Variants in LRP1B observed in about 807,000 individuals in gnomAD.
LRP1B encodes low-density lipoprotein receptor-related protein 1B.
In LRP1B, 217 loss-of-function variants were observed where a neutral mutation model predicts 556.6. The observed-to-expected ratio is 0.39, with a 90% CI of 0.35 to 0.44. The LOEUF is 0.44. Ranked by LOEUF, LRP1B falls within the 20% of genes least tolerant of loss-of-function variation. The pLI is 1.00. For synonymous variants in LRP1B, 2,047 were observed against 1,865.8 expected (o/e 1.10, Z -2.50); for missense variants, 5,053 against 5,620.8 (o/e 0.90, Z 3.23).
At chr2:142,084,299 G>A (rs1705830571) in intron 1 of LRP1B, among the ~76,000 whole-genome samples, 1 of 151,988 alleles carries the variant, frequency 6.6e-6, no homozygotes, top group Non-Finnish European at 1.5e-5. Context: ...TCTTTTTCAT[G>A]ATTCACGCTG....
chr2:141,840,069 C>T (rs1697414149), intron 1 of LRP1B, among the ~76,000 whole-genome samples: 1 of 151,838 alleles, frequency 6.6e-6, no homozygotes, highest in African/African-American at 2.4e-5. Flanking sequence ...GTAGAGTTGG[C>T]CAAAGATTTT....
At chr2:141,893,961 C>T (rs888248286) in intron 1 of LRP1B, among the ~76,000 whole-genome samples, 2 of 151,642 alleles carry the variant, frequency 1.3e-5, no homozygotes, top group African/African-American at 4.8e-5. Context: ...TTCTCTCTCA[C>T]TCTTTTTCTT....
rs190686072 is a variant in LRP1B at position 141,524,713 on chromosome 2, A to G, written c.206-44180T>C. On this transcript the variant is annotated intron_variant, in intron 2 of 90. Transcript: ENST00000389484. ...ACCATTAAATTACTTTCTATGCTAT[A>G]ATTTCACTATGCAGAGACTTGAAAT... Among the ~76,000 whole-genome samples the G allele has an allele frequency of 6.6e-4, 100 of 152,106 alleles. 1 individual carries two copies. In the South Asian group the frequency reaches 0.014, roughly 21 times the overall value.
At chr2:140,610,010 G>A (rs554360) in intron 41 of LRP1B, among the ~76,000 whole-genome samples, 44,153 of 150,704 alleles carry the variant, frequency 0.29, 6,596 homozygotes, top group African/African-American at 0.32. Context: ...GCCACAGGGT[G>A]TTCTTTTCAG....
At chr2:140,642,211 G>T (rs1390584085) in intron 41 of LRP1B, among the ~76,000 whole-genome samples, 1 of 152,202 alleles carries the variant, frequency 6.6e-6, no homozygotes, top group African/African-American at 2.4e-5. Context: ...TGAAGACAGA[G>T]TTCACATCTG....
intron 41 of LRP1B, among the ~76,000 whole-genome samples, chr2:140,641,029 G>A (rs927893072): frequency 6.6e-6 from 1 of 152,158 alleles, no homozygotes; most frequent in East Asian, 1.9e-4. Context: ...CACCAAGGCT[G>A]TTTTAATATT....
chr2:141,637,364 T>G (rs1037968420), intron 2 of LRP1B, among the ~76,000 whole-genome samples: 1 of 152,192 alleles, frequency 6.6e-6, no homozygotes, highest in East Asian at 1.9e-4. Context: ...ATATTGCAAT[T>G]AAAATTAACT....
intron 1 of LRP1B, among the ~76,000 whole-genome samples, chr2:141,878,406 C>A (rs1211853576): frequency 2.0e-5 from 3 of 151,324 alleles, no homozygotes; most frequent in African/African-American, 7.3e-5. Flanking sequence ...TGCACACACA[C>A]AAACTCAAGA....
chr2:141,914,044 C>T (rs1328677039), intron 1 of LRP1B, among the ~76,000 whole-genome samples: 1 of 152,160 alleles, frequency 6.6e-6, no homozygotes, highest in East Asian at 1.9e-4. Flanking sequence ...CTGTGCCTGG[C>T]CAACCCTCCT....
At chr2:141,151,776 C>A (rs1462915312) in intron 7 of LRP1B, among the ~76,000 whole-genome samples, 2 of 152,058 alleles carry the variant, frequency 1.3e-5, no homozygotes, top group Non-Finnish European at 2.9e-5. Context: ...TTTCTGTAGA[C>A]AACTAAGTTG....
intron 7 of LRP1B, among the ~76,000 whole-genome samples, chr2:141,111,735 G>A (rs1700756285): frequency 6.6e-6 from 1 of 152,114 alleles, no homozygotes; most frequent in South Asian, 2.1e-4. Context: ...TCTTTGCTGA[G>A]AGCCTTCCCC....
At chr2:141,114,841 T>C (rs1393084579) in intron 7 of LRP1B, among the ~76,000 whole-genome samples, 1 of 151,396 alleles carries the variant, frequency 6.6e-6, no homozygotes, top group Non-Finnish European at 1.5e-5. Context: ...TATGTGCACA[T>C]ACACACATAC....
At chr2:141,669,506 G>T (rs1440675485) in intron 2 of LRP1B, among the ~76,000 whole-genome samples, 1 of 152,052 alleles carries the variant, frequency 6.6e-6, no homozygotes, top group Non-Finnish European at 1.5e-5. Context: ...CTGCCTCTAG[G>T]CAGGGAAGGT....
At chr2:140,449,900 G>A (rs1375321236) in intron 63 of LRP1B, among the ~76,000 whole-genome samples, 1 of 152,158 alleles carries the variant, frequency 6.6e-6, no homozygotes, top group Non-Finnish European at 1.5e-5. Flanking sequence ...AAGTATTGGA[G>A]TGACCTATGG....
chr2:140,880,034 C>A (rs925233693), intron 25 of LRP1B, among the ~76,000 whole-genome samples: 3 of 151,674 alleles, frequency 2.0e-5, no homozygotes, highest in Admixed American at 6.6e-5. Flanking sequence ...TAAGAATATT[C>A]CTAGATAGGA....
intron 41 of LRP1B, among the ~76,000 whole-genome samples, chr2:140,640,218 T>G (rs1037407683): frequency 6.8e-6 from 1 of 148,022 alleles, no homozygotes; most frequent in African/African-American, 2.5e-5. Context: ...GGTCTCGATC[T>G]CCTGACTCGT....
chr2:140,517,594 A>T (rs2104941486), intron 49 of LRP1B, among the ~76,000 whole-genome samples: 1 of 152,148 alleles, frequency 6.6e-6, no homozygotes, highest in African/African-American at 2.4e-5. Flanking sequence ...GAATTATCAT[A>T]AAAAAGTACC....
At chr2:141,742,026 C>A (rs541592359) in intron 2 of LRP1B, among the ~76,000 whole-genome samples, 19 of 152,230 alleles carry the variant, frequency 1.2e-4, no homozygotes, top group Admixed American at 1.1e-3. Flanking sequence ...CCAGTTTTCC[C>A]TGCAACATTG....
chr2:140,637,627 C>A (rs1335614095), intron 41 of LRP1B, among the ~76,000 whole-genome samples: 1 of 151,998 alleles, frequency 6.6e-6, no homozygotes, highest in Non-Finnish European at 1.5e-5. Flanking sequence ...ACTGCTTGGG[C>A]AGTTTAGTGT....
Sources: allele counts gnomAD v4.1 joint callset (sites outside exome capture counted in the v4.1 genomes callset), GRCh38; gene constraint gnomAD v4.1.1; transcripts MANE v1.5; gene names NCBI Gene and HGNC (gene_info 2026-07-23, HGNC 2026-07-21).